The following KLF17 variants were observed in gnomAD, a reference collection of about 807,000 sequenced individuals.
KLF17 encodes Krueppel-like factor 17.
KLF17 carries 31 observed loss-of-function variants against 34.2 expected under a neutral mutation model. The observed-to-expected ratio is 0.91, with a 90% CI of 0.68 to 1.22. KLF17 has a LOEUF of 1.22. Ranked by LOEUF, KLF17 falls within the 50% of genes most tolerant of loss-of-function variation. The pLI, the probability that KLF17 is intolerant of heterozygous loss-of-function variation, is 0.00. For synonymous variants in KLF17, 179 were observed against 186.7 expected, an observed-to-expected ratio of 0.96 and a Z score of 0.34; for missense variants, 478 against 505.2, an observed-to-expected ratio of 0.95 and a Z score of 0.52.
the KLF17 span, among the ~76,000 whole-genome samples, chr1:44,071,473 A>T: frequency 2.0e-5 from 3 of 151,990 alleles, 1 homozygote; most frequent in South Asian, 6.2e-4. Flanking sequence ...CTCCCCCATG[A>T]TCCCTTCCTT....
chr1:44,130,321 T>C, intron 2 of KLF17, 125 bp downstream of exon 2: 2 of 1,433,582 alleles, frequency 1.4e-6, no homozygotes, highest in East Asian at 2.3e-5. Context: ...TAAGCTAGAC[T>C]GGCCCCCCGA....
the KLF17 span, among the ~76,000 whole-genome samples, chr1:44,078,667 A>C: frequency 2.0e-5 from 3 of 151,962 alleles, no homozygotes; most frequent in Admixed American, 2.0e-4. Context: ...CAATCTCCTG[A>C]CCTCATGATC....
chr1:44,101,229 T>G, the KLF17 span, among the ~76,000 whole-genome samples: 1 of 150,632 alleles, frequency 6.6e-6, no homozygotes, highest in East Asian at 2.0e-4. Flanking sequence ...GTAGATTTCC[T>G]AAAAACAAGG....
the KLF17 span, among the ~76,000 whole-genome samples, chr1:44,073,945 G>A: frequency 6.6e-6 from 1 of 152,172 alleles, no homozygotes; most frequent in African/African-American, 2.4e-5. Flanking sequence ...CATGAGGGAA[G>A]AGACTTAGTC....
chr1:44,073,207 T>C, the KLF17 span, among the ~76,000 whole-genome samples: 1 of 103,344 alleles, frequency 9.7e-6, no homozygotes, highest in East Asian at 3.4e-4. Flanking sequence ...CTTCTTCTTC[T>C]TCTTTTTTTT....
the KLF17 span, among the ~76,000 whole-genome samples, chr1:44,079,268 C>T: frequency 6.6e-6 from 1 of 151,614 alleles, no homozygotes; most frequent in Non-Finnish European, 1.5e-5. Flanking sequence ...ATTTAGTTAA[C>T]CCCTTGTGAC....
In KLF17 at chr1:44,129,531, C is replaced by A. The variant is rs373989636; in HGVS notation, c.260C>A (p.Pro87Gln). The stretch of plus-strand genomic sequence containing the variant: ...GGGCAGAATGTGAATGAAGGGGGGC[C>A]ACAGTTCAGTATGCCACTGCCTGAG... ...APGQNVNEGGPQFSMPLPERG... is the reference protein window; with the variant it reads ...APGQNVNEGGQQFSMPLPERG... Residue 87 changes from proline to glutamine, a missense_variant, in exon 2 of 4, where the codon CCA becomes CAA. By Grantham distance (76) the Pro-to-Gln change is moderately conservative. Coordinates refer to ENST00000372299, the MANE Select transcript of KLF17 (RefSeq NM_173484.4). The A allele has an allele frequency of 7.2e-5, 116 of 1,613,222 alleles. No homozygotes were observed. The highest frequency in any genetic ancestry group is 9.3e-5 in the Non-Finnish European group (110 of 1,179,594).
At chr1:44,066,401 T>G in the KLF17 span, among the ~76,000 whole-genome samples, 1 of 151,046 alleles carries the variant, frequency 6.6e-6, no homozygotes, top group Admixed American at 6.6e-5. Context: ...TTTTTTTTTT[T>G]TTTTTTAAGA....
At chr1:44,099,046 A>G in the KLF17 span, among the ~76,000 whole-genome samples, 1 of 152,120 alleles carries the variant, frequency 6.6e-6, no homozygotes, top group East Asian at 1.9e-4. Context: ...ACAGTGTTAC[A>G]TGAAAAAAGC....
At chr1:44,121,821 G>T (rs1571984906) in intron 1 of KLF17, among the ~76,000 whole-genome samples, 1 of 152,306 alleles carries the variant, frequency 6.6e-6, no homozygotes, top group East Asian at 1.9e-4. Flanking sequence ...ACCATTTGGT[G>T]ATACTTGTAT....
chr1:44,048,889 C>T, the KLF17 span, among the ~76,000 whole-genome samples: 2 of 152,138 alleles, frequency 1.3e-5, no homozygotes, highest in Non-Finnish European at 2.9e-5. Context: ...GTAAATCATT[C>T]GTGCAGAAAA....
chr1:44,087,730 A>T, the KLF17 span, among the ~76,000 whole-genome samples: 4 of 55,626 alleles, frequency 7.2e-5, no homozygotes, highest in Non-Finnish European at 1.2e-4. Flanking sequence ...TATTTTATAT[A>T]TATATATATA....
chr1:44,115,739 C>T (rs1484550041), upstream of KLF17: 1 of 151,966 alleles, frequency 6.6e-6, no homozygotes, highest in African/African-American at 2.4e-5. Context: ...TTAAAATTTG[C>T]TTGTTGGTTG....
At chr1:44,127,501 ACTTC>A (rs1045400901) in intron 1 of KLF17, among the ~76,000 whole-genome samples, 19 of 150,120 alleles carry the variant, frequency 1.3e-4, no homozygotes, top group East Asian at 4.0e-4. Context: ...TCAAGTTTTT[ACTTC>A]CTTCCTTCCT....
chr1:44,065,059 C>T, the KLF17 span, among the ~76,000 whole-genome samples: 2 of 152,036 alleles, frequency 1.3e-5, no homozygotes, highest in African/African-American at 2.4e-5. Flanking sequence ...GAGGCTGAGG[C>T]GGGCGGATCA....
At chr1:44,101,004 A>G in the KLF17 span, among the ~76,000 whole-genome samples, 11 of 152,198 alleles carry the variant, frequency 7.2e-5, no homozygotes, top group African/African-American at 2.7e-4. Flanking sequence ...AAACACAACT[A>G]CTACAACACT....
the KLF17 span, among the ~76,000 whole-genome samples, chr1:44,066,090 G>GA: frequency 2.6e-5 from 4 of 152,150 alleles, no homozygotes; most frequent in African/African-American, 9.7e-5. Flanking sequence ...ACCGAGGTGG[G>GA]AAAATCACTT....
chr1:44,129,460 C>T lies in KLF17; in HGVS notation c.189C>T (p.His63=), dbSNP rs1407574759. Residue 63 remains histidine, a synonymous_variant, in exon 2 of 4, where the codon CAC becomes CAT. Transcript: ENST00000372299. ...QGLPSIQHFP[H]SAEMLGSPLV... ...TACCAAGCATTCAGCACTTTCCTCA[C>T]AGCGCAGAGATGCTGGGGTCCCCTT... 1 of 1,607,564 alleles carries T rather than the reference C, an allele frequency of 6.2e-7. No individual in the cohort carries two copies. Among genetic ancestry groups the T allele is most frequent in the South Asian group, 1.1e-5 (1 of 90,186 alleles).
At chr1:44,078,735 C>T in the KLF17 span, among the ~76,000 whole-genome samples, 31 of 152,290 alleles carry the variant, frequency 2.0e-4, no homozygotes, top group African/African-American at 6.7e-4. Flanking sequence ...TGTGCCCGGC[C>T]GCTTTTCCTT....
Sources: allele counts gnomAD v4.1 joint callset (sites outside exome capture counted in the v4.1 genomes callset), GRCh38; gene constraint gnomAD v4.1.1; transcripts MANE v1.5; gene names NCBI Gene and HGNC (gene_info 2026-07-23, HGNC 2026-07-21).